The following CDO1 variants were observed in gnomAD, a reference collection of about 807,000 sequenced individuals.
CDO1 encodes cysteine dioxygenase, type I.
A neutral mutation model predicts 24.5 loss-of-function variants in CDO1; 19 were observed. The observed-to-expected ratio is 0.77, with a 90% CI of 0.54 to 1.14. The LOEUF is 1.14. Among genes scored for constraint, CDO1 ranks in the 50% most tolerant of loss-of-function variants. The pLI is 0.00. For missense variants in CDO1, 244 were observed against 244.8 expected (o/e 1.00, Z 0.02); for synonymous variants, 91 against 87.0 (o/e 1.05, Z -0.26).
intron 1 of CDO1, among the ~76,000 whole-genome samples, chr5:115,815,189 T>G (rs1353896938): frequency 2.6e-5 from 4 of 152,190 alleles, no homozygotes; most frequent in Non-Finnish European, 5.9e-5. Flanking sequence ...CCTTATTCTT[T>G]TCTTTCACTT....
In CDO1 at chr5:115,811,267, C is replaced by T; in HGVS notation, c.297G>A (p.Gln99=). ...CAAATAATGTCTCCTTTAGATTTCCCTGTAGCATCTTCAGAAAGCAGTGGG... is the reference window on the plus strand; with the variant it reads ...CAAATAATGTCTCCTTTAGATTTCCTTGTAGCATCTTCAGAAAGCAGTGGG... ...TNSHCFLKML[Q]GNLKETLFAW... is the part of the protein sequence containing the mutation. Residue 99 remains glutamine, a synonymous_variant, in exon 3 of 5, where the codon CAG becomes CAA. Transcript: ENST00000250535. 2 of 1,613,332 alleles carry T rather than the reference C, an allele frequency of 1.2e-6. No individual in the cohort carries two copies. Among genetic ancestry groups the T allele is most frequent in the South Asian group, 1.1e-5 (1 of 91,056 alleles).
Position 115,816,647 on chromosome 5 carries a change from G to A in CDO1, c.-250C>T, listed in dbSNP as rs1004426778. ...GGAGACGCGGTGCACACACAAATCAGGTTCAGATCTGTGGGGTTCATCCTC... is the reference window on the plus strand; with the variant it reads ...GGAGACGCGGTGCACACACAAATCAAGTTCAGATCTGTGGGGTTCATCCTC... On this transcript the variant is annotated 5_prime_UTR_variant, in exon 1 of 5. Transcript: ENST00000250535. 3.9e-6 allele frequency: 2 copies of A among 513,130 alleles called. No homozygotes were observed. Among genetic ancestry groups the A allele is most frequent in the East Asian group, 3.5e-5 (1 of 28,604 alleles). 31.8% of individuals were successfully genotyped at this position (513,130 alleles called of 1,614,324 possible). A position where few individuals can be genotyped will look rare whatever the true frequency, so the allele number is the denominator to read the frequency against.
At position 115,816,502 on chromosome 5, in the gene CDO1, G is replaced by C; in HGVS notation, c.-105C>G. On this transcript the variant is annotated 5_prime_UTR_variant, in exon 1 of 5. Coordinates refer to ENST00000250535, the MANE Select transcript of CDO1 (RefSeq NM_001801.3). ...AGGGAGCCTAACAGCCCGCTAGACC[G>C]CTAAGCAGACACACACGCACAAACC... 8.1e-7 allele frequency: 1 copy of C among 1,233,700 alleles called. No homozygotes were observed. Among genetic ancestry groups the C allele is most frequent in the Admixed American group, 1.8e-5 (1 of 55,098 alleles). The allele number at this position is 1,233,700 out of a possible 1,614,324, so 76.4% of individuals were successfully genotyped here. A position where few individuals can be genotyped will look rare whatever the true frequency, so the allele number is the denominator to read the frequency against.
Position 115,816,238 on chromosome 5 carries a change from C to G in CDO1, c.160G>C (p.Asp54His), listed in dbSNP as rs1561441828. ...CTGCAGCGCGCTCACCTGTACTGGT[C>G]GAACTTGGCGTACATTGCCCACTCG... Reference protein sequence around the residue: ...PTEWAMYAKFDQYRYTRNLVD... With the variant: ...PTEWAMYAKFHQYRYTRNLVD... The change falls in exon 1 of 5, where the codon GAC (aspartate) becomes CAC (histidine). Residue 54 changes from aspartate to histidine, a missense_variant. Transcript: ENST00000250535. 1 of 1,614,122 alleles carries G rather than the reference C, an allele frequency of 6.2e-7. No homozygotes were observed.
At chr5:115,810,061 C>T (rs539584367) in intron 3 of CDO1, among the ~76,000 whole-genome samples, 20 of 152,272 alleles carry the variant, frequency 1.3e-4, no homozygotes, top group Admixed American at 2.6e-4. Flanking sequence ...CTGACTCCAG[C>T]TGAAAGTAAT....
chr5:115,805,365 G>A lies in CDO1; in HGVS notation c.*68C>T. 7.4e-7 allele frequency: 1 copy of A among 1,347,378 alleles called. No homozygotes were observed. Among genetic ancestry groups the A allele is most frequent in the Non-Finnish European group, 1.1e-6 (1 of 945,090 alleles). The allele number at this position is 1,347,378 out of a possible 1,614,324, so 83.5% of individuals were successfully genotyped here. On this transcript the variant is annotated 3_prime_UTR_variant, in exon 5 of 5. Coordinates refer to ENST00000250535, the MANE Select transcript of CDO1 (RefSeq NM_001801.3). ...TATATTACTGGATAGCACGTGGTAG[G>A]TAGCCTTTTTGTCCAAGGCAAACAT...
intron 3 of CDO1, among the ~76,000 whole-genome samples, chr5:115,810,754 G>T (rs1760153039): frequency 6.6e-6 from 1 of 152,096 alleles, no homozygotes; most frequent in Non-Finnish European, 1.5e-5. Flanking sequence ...TACTTTTTAG[G>T]TATGCTATAT....
chr5:115,811,764 G>A (rs1464456727), intron 2 of CDO1, among the ~76,000 whole-genome samples: 1 of 152,164 alleles, frequency 6.6e-6, no homozygotes, highest in East Asian at 1.9e-4. Context: ...AACATTTAAT[G>A]TTTTTTCCCC....
At chr5:115,808,491 TCCA>T (rs1422435635) in intron 3 of CDO1, among the ~76,000 whole-genome samples, 1 of 151,684 alleles carries the variant, frequency 6.6e-6, no homozygotes, top group African/African-American at 2.4e-5. Flanking sequence ...GAGCATATGC[TCCA>T]CCAAAACAAG....
At chr5:115,812,765 G>C (rs147185838) in intron 2 of CDO1, among the ~76,000 whole-genome samples, 1 of 152,114 alleles carries the variant, frequency 6.6e-6, no homozygotes, top group African/African-American at 2.4e-5. Context: ...TAGAAAATGA[G>C]GGCTGGGTGT....
intron 1 of CDO1, 141 bp from the exon 2 acceptor site, chr5:115,813,399 T>C (rs1760284163): frequency 1.3e-5 from 7 of 554,096 alleles, no homozygotes; most frequent in African/African-American, 3.9e-5. Flanking sequence ...AGTTTTCTAA[T>C]TAGAAATCCA....
intron 3 of CDO1, among the ~76,000 whole-genome samples, chr5:115,807,041 C>T (rs544962547): frequency 1.3e-5 from 2 of 152,278 alleles, no homozygotes; most frequent in South Asian, 4.1e-4. Context: ...TTCTTTTCAG[C>T]AGCAGAGTAA....
intron 1 of CDO1, among the ~76,000 whole-genome samples, chr5:115,813,613 G>A (rs1339438768): frequency 1.4e-5 from 2 of 142,060 alleles, no homozygotes; most frequent in Non-Finnish European, 3.0e-5. Flanking sequence ...AGGCAAGAAT[G>A]TTGCTATTGT....
Position 115,811,306 on chromosome 5 carries a change from A to G in CDO1, c.258T>C (p.His86=). ...GAAAGCAGTGGGAGTTGGTATGATCATGAATACTGCTATATGTACACAAAA... is the reference window on the plus strand; with the variant it reads ...GAAAGCAGTGGGAGTTGGTATGATCGTGAATACTGCTATATGTACACAAAA... ...CWGEGHGSSI[H]DHTNSHCFLK... is the part of the protein sequence containing the mutation. Residue 86 remains histidine (H), a synonymous_variant, in exon 3 of 5, where the codon CAT becomes CAC. Coordinates refer to ENST00000250535, the MANE Select transcript of CDO1 (RefSeq NM_001801.3). 6.2e-7 allele frequency: 1 copy of G among 1,612,076 alleles called. No individual in the cohort carries two copies. The highest frequency in any genetic ancestry group is 1.1e-5 in the South Asian group (1 of 91,028).
chr5:115,816,063 A>G (rs1376278930), intron 1 of CDO1, among the ~76,000 whole-genome samples, 165 bp downstream of exon 1: 1 of 152,158 alleles, frequency 6.6e-6, no homozygotes, highest in East Asian at 1.9e-4. Flanking sequence ...CGGAGCCCCA[A>G]GCGAGTCGTG....
intron 3 of CDO1, among the ~76,000 whole-genome samples, chr5:115,808,256 G>A (rs1760036707): frequency 6.6e-6 from 1 of 152,122 alleles, no homozygotes; most frequent in African/African-American, 2.4e-5. Flanking sequence ...TGGGATTACA[G>A]GTGTGAGTCA....
At position 115,806,452 on chromosome 5, in the gene CDO1, T is replaced by G. The variant is rs200935045; in HGVS notation, c.470A>C (p.Tyr157Ser). The G allele has an allele frequency of 6.2e-7, 1 of 1,612,266 alleles. No individual in the cohort carries two copies. The highest frequency in any genetic ancestry group is 1.1e-5 in the South Asian group (1 of 90,608). Reference protein sequence around the residue: ...HTEPAVSLHLYSPPFDTCHAF... With the variant: ...HTEPAVSLHLSSPPFDTCHAF... ...ATGGCATGTATCAAAAGGTGGACTG[T>G]ACAAGTGAAGGCTCACAGCAGGTTC... Residue 157 changes from tyrosine to serine, a missense_variant, in exon 4 of 5, where the codon TAC becomes TCC. Tyr to Ser is a moderately radical substitution (Grantham distance 144, BLOSUM62 -2). Coordinates refer to ENST00000250535, the MANE Select transcript of CDO1 (RefSeq NM_001801.3).
chr5:115,805,325 A>G lies in CDO1; in HGVS notation c.*108T>C. On this transcript the variant is annotated 3_prime_UTR_variant, in exon 5 of 5. Coordinates refer to ENST00000250535, the MANE Select transcript of CDO1 (RefSeq NM_001801.3). ...CATCTGCCTTACAGTAGATCTAAGTATTGGCTTATTTAAGTATATTACTGG... is the reference window on the plus strand; with the variant it reads ...CATCTGCCTTACAGTAGATCTAAGTGTTGGCTTATTTAAGTATATTACTGG... The G allele has an allele frequency of 2.2e-6, 2 of 911,260 alleles. No individual in the cohort carries two copies. The highest frequency in any genetic ancestry group is 3.0e-5 in the South Asian group (2 of 66,076). 56.4% of individuals were successfully genotyped at this position (911,260 alleles called of 1,614,324 possible). A position where few individuals can be genotyped will look rare whatever the true frequency, so the allele number is the denominator to read the frequency against.
intron 1 of CDO1, among the ~76,000 whole-genome samples, chr5:115,815,357 CA>C (rs756242316): frequency 6.6e-6 from 1 of 151,890 alleles, no homozygotes; most frequent in Non-Finnish European, 1.5e-5. Flanking sequence ...GCCGGGGCTG[CA>C]AAAAAGCCAG....
Sources: allele counts gnomAD v4.1 joint callset (sites outside exome capture counted in the v4.1 genomes callset), GRCh38; gene constraint gnomAD v4.1.1; transcripts MANE v1.5; gene names NCBI Gene and HGNC (gene_info 2026-07-23, HGNC 2026-07-21).